FAM163B: variants seen among roughly 807,000 people sequenced by gnomAD.
FAM163B encodes protein FAM163B.
FAM163B carries 4 observed loss-of-function variants against 7.6 expected under a neutral mutation model. That is an observed-to-expected ratio of 0.52 (90% confidence interval 0.26 to 1.20). The LOEUF is 1.20. Among genes scored for constraint, FAM163B ranks in the 50% most tolerant of loss-of-function variants. The pLI, the probability that FAM163B is intolerant of heterozygous loss-of-function variation, is 0.14. For synonymous variants in FAM163B, 120 were observed against 111.6 expected, an observed-to-expected ratio of 1.07 and a Z score of -0.47; for missense variants, 250 against 243.0, an observed-to-expected ratio of 1.03 and a Z score of -0.19.
At position 133,578,934 on chromosome 9, in the gene FAM163B, T is replaced by C. The variant is rs1333900426; in HGVS notation, c.*88A>G. 23 of 1,437,660 alleles carry C rather than the reference T, an allele frequency of 1.6e-5. No individual in the cohort carries two copies. Among genetic ancestry groups the C allele is most frequent in the East Asian group, 7.5e-5 (3 of 39,998 alleles). 89.1% of individuals were successfully genotyped at this position (1,437,660 alleles called of 1,614,324 possible). On this transcript the variant is annotated 3_prime_UTR_variant, in exon 3 of 3. Transcript: ENST00000673969. ...CCAGGAGGGCTCAGCCAAGCCCCAC[T>C]TGGGGCCTGGGGCCAGGTGGGTGTG... is the stretch of plus-strand genomic sequence containing the variant.
At chr9:133,604,415 C>T (rs11787799) in intron 1 of FAM163B, among the ~76,000 whole-genome samples, 4,957 of 151,644 alleles carry the variant, frequency 0.033, 97 homozygotes, top group Non-Finnish European at 0.048. Context: ...CTGACACACA[C>T]GTCACTGACA....
intron 1 of FAM163B, among the ~76,000 whole-genome samples, chr9:133,586,571 CT>C (rs1457630430): frequency 6.6e-6 from 1 of 152,192 alleles, no homozygotes; most frequent in African/African-American, 2.4e-5. Flanking sequence ...GGAGAGCCCC[CT>C]GGGGTCAGTA....
At chr9:133,594,319 C>T (rs1831599953) in intron 1 of FAM163B, among the ~76,000 whole-genome samples, 1 of 152,212 alleles carries the variant, frequency 6.6e-6, no homozygotes, top group African/African-American at 2.4e-5. Flanking sequence ...CTGGCCTCAC[C>T]TGCACTGCCC....
intron 1 of FAM163B, among the ~76,000 whole-genome samples, chr9:133,589,226 A>G (rs1033698174): frequency 6.6e-6 from 1 of 151,966 alleles, no homozygotes; most frequent in Non-Finnish European, 1.5e-5. Context: ...GGCTCCCTAT[A>G]CCTCTTAATA....
At position 133,606,919 on chromosome 9, in the gene FAM163B, G is replaced by T. The variant is rs1310986557; in HGVS notation, c.-24+2158C>A. Among the ~76,000 whole-genome samples the T allele has an allele frequency of 1.3e-5, 2 of 152,220 alleles. No individual in the cohort carries two copies. The highest frequency in any genetic ancestry group is 2.9e-5 in the Non-Finnish European group (2 of 68,044). ...GAGCCAGAGGTCTCACTGCAGGAGT[G>T]GGTCTCCATGCTGTGAAGCCTCACC... On this transcript the variant is annotated intron_variant, in intron 1 of 2. Transcript: ENST00000673969. The surrounding 1 kb of genome is among the most constrained non-coding windows in gnomAD (Gnocchi z 4.0).
Position 133,601,932 on chromosome 9 carries a change from C to T in FAM163B, c.-24+7145G>A, listed in dbSNP as rs1209165403. ...GAGGGTTCGAGAAACAGGCAGTAGC[C>T]AGCACACAGGAGTGCTGCAGGGAGG... On this transcript the variant is annotated intron_variant, in intron 1 of 2. Coordinates refer to ENST00000673969, the MANE Select transcript of FAM163B (RefSeq NM_001080515.3). The surrounding 1 kb of genome is among the most constrained non-coding windows in gnomAD (Gnocchi z 4.1). Among the ~76,000 whole-genome samples the T allele has an allele frequency of 6.6e-6, 1 of 152,180 alleles. No individual in the cohort carries two copies. The highest frequency in any genetic ancestry group is 1.5e-5 in the Non-Finnish European group (1 of 68,024).
chr9:133,586,107 CA>C (rs1292642186), intron 1 of FAM163B: 1 of 152,264 alleles, frequency 6.6e-6, no homozygotes, highest in Non-Finnish European at 1.5e-5. Context: ...CAGTAATAAA[CA>C]GACGAGGAAG....
intron 1 of FAM163B, among the ~76,000 whole-genome samples, chr9:133,604,864 A>G (rs1434809066): frequency 2.0e-5 from 3 of 152,236 alleles, no homozygotes; most frequent in Admixed American, 2.0e-4. Context: ...GCAAATTAGG[A>G]TGATTTCAAA....
At chr9:133,607,249 G>A (rs1355864229) in intron 1 of FAM163B, among the ~76,000 whole-genome samples, 1 of 152,216 alleles carries the variant, frequency 6.6e-6, no homozygotes. Flanking sequence ...AGAGAGGAAA[G>A]TGACTTGCCC....
In FAM163B at chr9:133,577,791, T is replaced by C. The variant is rs1365904725; in HGVS notation, c.*1231A>G. ...GGCTGGTGTCCTGGGATGTGGGGCATTTCTCTGGGGTAGCCATTGACGTCA... is the reference window on the plus strand; with the variant it reads ...GGCTGGTGTCCTGGGATGTGGGGCACTTCTCTGGGGTAGCCATTGACGTCA... On this transcript the variant is annotated 3_prime_UTR_variant, in exon 3 of 3. Coordinates refer to ENST00000673969, the MANE Select transcript of FAM163B (RefSeq NM_001080515.3). Among the ~76,000 whole-genome samples, 1 of 152,154 alleles carries C rather than the reference T, an allele frequency of 6.6e-6. No individual in the cohort carries two copies. The highest frequency in any genetic ancestry group is 1.5e-5 in the Non-Finnish European group (1 of 68,004).
chr9:133,577,147 C>T lies in FAM163B; in HGVS notation c.*1875G>A, dbSNP rs368567721. Among the ~76,000 whole-genome samples the T allele has an allele frequency of 1.2e-3, 187 of 152,344 alleles. No homozygotes were observed. The highest frequency in any genetic ancestry group is 3.6e-3 in the African/African-American group (148 of 41,594). ...CAGCGGCTCCCCCAGCAGGTCCCCA[C>T]GGTGGAGCCGAGTGAGCTGGGAGGG... On this transcript the variant is annotated 3_prime_UTR_variant, in exon 3 of 3. Transcript: ENST00000673969.
intron 1 of FAM163B, among the ~76,000 whole-genome samples, chr9:133,594,887 C>T (rs904039610): frequency 6.6e-6 from 1 of 152,114 alleles, no homozygotes; most frequent in African/African-American, 2.4e-5. Context: ...CAGGGCAAGG[C>T]AGGACCTGGA....
chr9:133,608,918 G>A (rs1400905250), intron 1 of FAM163B, among the ~76,000 whole-genome samples, 159 bp downstream of exon 1: 3 of 152,248 alleles, frequency 2.0e-5, no homozygotes, highest in Non-Finnish European at 4.4e-5. Flanking sequence ...GAGGGTGGAA[G>A]CCAGGGGATG....
At chr9:133,595,171 A>C (rs749477047) in intron 1 of FAM163B, among the ~76,000 whole-genome samples, 27 of 152,108 alleles carry the variant, frequency 1.8e-4, no homozygotes, top group Non-Finnish European at 3.5e-4. Context: ...TTTGAGACGG[A>C]GTCTCCCTCT....
At position 133,580,218 on chromosome 9, in the gene FAM163B, T is replaced by C; in HGVS notation, c.6A>G (p.Thr2=). 6.2e-7 allele frequency: 1 copy of C among 1,613,450 alleles called. No homozygotes were observed. Among genetic ancestry groups the C allele is most frequent in the Non-Finnish European group, 8.5e-7 (1 of 1,179,926 alleles). The change falls in exon 2 of 3, where the codon ACA becomes ACG. Residue 2 remains threonine (T), a synonymous_variant. Coordinates refer to ENST00000673969, the MANE Select transcript of FAM163B (RefSeq NM_001080515.3). M[T]AGTVVITGGI... ...CCCCGGTGATGACCACGGTCCCGGC[T>C]GTCATCCGCCCCCTTCTCCATCAAC... is the stretch of plus-strand genomic sequence containing the variant.
intron 1 of FAM163B, among the ~76,000 whole-genome samples, chr9:133,589,293 G>A (rs1006696411): frequency 6.6e-6 from 1 of 152,168 alleles, no homozygotes; most frequent in Non-Finnish European, 1.5e-5. Flanking sequence ...GGAGGGCATG[G>A]CACCCTTCAC....
intron 1 of FAM163B, among the ~76,000 whole-genome samples, chr9:133,595,746 T>C (rs1008212422): frequency 5.9e-5 from 9 of 152,188 alleles, no homozygotes; most frequent in African/African-American, 2.2e-4. Context: ...CCCTGCTCCA[T>C]GGTTGCTCTC....
chr9:133,603,019 G>A (rs1411837363), intron 1 of FAM163B, among the ~76,000 whole-genome samples: 5 of 152,210 alleles, frequency 3.3e-5, no homozygotes, highest in Admixed American at 1.3e-4. Flanking sequence ...GGGGGGGCCA[G>A]CCCAAGAGGT....
intron 1 of FAM163B, among the ~76,000 whole-genome samples, chr9:133,599,993 A>ATG (rs558813175): frequency 7.9e-6 from 1 of 126,996 alleles, no homozygotes; most frequent in Non-Finnish European, 1.6e-5. Context: ...GCATATGCGA[A>ATG]TGTGTGTGTG....
Sources: allele counts gnomAD v4.1 joint callset (sites outside exome capture counted in the v4.1 genomes callset), GRCh38; gene constraint gnomAD v4.1.1; non-coding constraint Gnocchi (gnomAD v3.1); transcripts MANE v1.5; gene names NCBI Gene and HGNC (gene_info 2026-07-23, HGNC 2026-07-21).